The following PAIP1 variants were observed in gnomAD, a reference collection of about 807,000 sequenced individuals.
The protein encoded by PAIP1 is polyadenylate-binding protein-interacting protein 1.
PAIP1 carries 16 observed loss-of-function variants against 61.3 expected under a neutral mutation model. That is an observed-to-expected ratio of 0.26 (90% CI 0.18 to 0.40). The LOEUF (loss-of-function observed/expected upper bound fraction) is 0.40, where lower values mean the gene tolerates loss of function less well. Ranked by LOEUF, PAIP1 falls within the 10% of genes least tolerant of loss-of-function variation. The pLI, the probability that PAIP1 is intolerant of heterozygous loss-of-function variation, is 1.00. For missense variants in PAIP1, 416 were observed against 600.9 expected (o/e 0.69, Z 3.22); for synonymous variants, 187 against 226.2 (o/e 0.83, Z 1.56).
intron 3 of PAIP1, among the ~76,000 whole-genome samples, chr5:43,546,112 T>C (rs1747625327): frequency 6.6e-6 from 1 of 152,194 alleles, no homozygotes; most frequent in African/African-American, 2.4e-5. Context: ...GTTTGTTAGT[T>C]GCTATGAGTA....
At position 43,542,984 on chromosome 5, in the gene PAIP1, A is replaced by T; in HGVS notation, c.734+20T>A. Reference sequence around the variant, plus strand: ...GTATATTTAGAAGTAGTTTTCCTTTAATTTCACATTTACACTGACCTTTGA... The same window carrying T: ...GTATATTTAGAAGTAGTTTTCCTTTTATTTCACATTTACACTGACCTTTGA... On this transcript the variant is annotated intron_variant, in intron 4 of 10. Coordinates refer to ENST00000306846, the MANE Select transcript of PAIP1 (RefSeq NM_006451.5). The T allele has an allele frequency of 1.6e-6, 2 of 1,272,200 alleles. No individual in the cohort carries two copies. The highest frequency in any genetic ancestry group is 2.3e-6 in the Non-Finnish European group (2 of 871,778). 78.8% of individuals were successfully genotyped at this position (1,272,200 alleles called of 1,614,324 possible). A position where few individuals can be genotyped will look rare whatever the true frequency, so the allele number is the denominator to read the frequency against.
At chr5:43,548,746 T>C (rs1277035109) in intron 2 of PAIP1, among the ~76,000 whole-genome samples, 1 of 152,176 alleles carries the variant, frequency 6.6e-6, no homozygotes, top group African/African-American at 2.4e-5. Flanking sequence ...AGTTAAAATC[T>C]AATAATAACT....
chr5:43,549,705 T>A (rs1156425728), intron 2 of PAIP1, among the ~76,000 whole-genome samples: 1 of 152,036 alleles, frequency 6.6e-6, no homozygotes, highest in Non-Finnish European at 1.5e-5. Flanking sequence ...TTTTACACTT[T>A]TTATTTTATC....
chr5:43,539,494 A>G (rs1747310354), intron 4 of PAIP1, among the ~76,000 whole-genome samples: 1 of 150,878 alleles, frequency 6.6e-6, no homozygotes, highest in Non-Finnish European at 1.5e-5. Context: ...CACAACCTCC[A>G]ACTGAAAATA....
At chr5:43,535,383 G>C in intron 7 of PAIP1, 151 bp downstream of exon 7, 1 of 612,094 alleles carries the variant, frequency 1.6e-6, no homozygotes, top group Non-Finnish European at 2.9e-6. Context: ...AGAAACTATA[G>C]GTAAAATATT....
intron 4 of PAIP1, 139 bp downstream of exon 4, chr5:43,542,865 T>C: frequency 2.1e-6 from 1 of 480,646 alleles, no homozygotes; most frequent in East Asian, 3.4e-5. Flanking sequence ...TATACTGAAC[T>C]ATAAACTTCA....
rs372518512 is a variant in PAIP1 at position 43,555,724 on chromosome 5, T to G, written c.435+106A>C. On this transcript the variant is annotated intron_variant, in intron 2 of 10. Coordinates refer to ENST00000306846, the MANE Select transcript of PAIP1 (RefSeq NM_006451.5). Reference sequence around the variant, plus strand: ...TCAAAACATTCACAATAAAAAAATTTTTTTACGTGTAGTACAGAAAGCACA... The same window carrying G: ...TCAAAACATTCACAATAAAAAAATTGTTTTACGTGTAGTACAGAAAGCACA... The G allele has an allele frequency of 1.3e-4, 116 of 872,958 alleles. No individual in the cohort carries two copies. In the East Asian group the frequency reaches 2.9e-3, roughly 22 times the overall value. 54.1% of individuals were successfully genotyped at this position (872,958 alleles called of 1,614,324 possible). A position where few individuals can be genotyped will look rare whatever the true frequency, so the allele number is the denominator to read the frequency against.
At chr5:43,539,346 A>C (rs1747298276) in intron 4 of PAIP1, among the ~76,000 whole-genome samples, 1 of 152,054 alleles carries the variant, frequency 6.6e-6, no homozygotes, top group Admixed American at 6.5e-5. Context: ...GGGGAGAGAG[A>C]GCCTCACCTT....
intron 6 of PAIP1, 68 bp downstream of exon 6, chr5:43,536,751 T>C: frequency 1.2e-6 from 1 of 829,872 alleles, no homozygotes; most frequent in South Asian, 1.7e-5. Flanking sequence ...CTGTATACTA[T>C]ATAGACTAAC....
intron 2 of PAIP1, among the ~76,000 whole-genome samples, chr5:43,548,395 G>GA (rs57478431): frequency 0.48 from 71,283 of 148,332 alleles, 18,352 homozygotes; most frequent in East Asian, 0.9. Flanking sequence ...TTTTATTGGG[G>GA]AAAAAAAAAA....
intron 3 of PAIP1, among the ~76,000 whole-genome samples, chr5:43,546,405 C>T (rs1747636872): frequency 6.6e-6 from 1 of 152,202 alleles, no homozygotes; most frequent in African/African-American, 2.4e-5. Context: ...ATCCATTTAT[C>T]AGCAGAAAGC....
intron 3 of PAIP1, among the ~76,000 whole-genome samples, chr5:43,544,151 A>T (rs1015494790): frequency 0.01 from 1,475 of 145,714 alleles, 10 homozygotes; most frequent in African/African-American, 0.016. Flanking sequence ...CTTTTTAAAA[A>T]AAAAAAAAAA....
rs930144885 is a variant in PAIP1, at chr5:43,529,841, C to T, written c.1291G>A (p.Asp431Asn). The T allele has an allele frequency of 1.9e-6, 3 of 1,565,272 alleles. No homozygotes were observed. The African/African-American group carries it at 4.1e-5, about 21-fold the overall frequency. ...EKYQELLERE[D>N]FFPDYEENGT... The stretch of plus-strand genomic sequence containing the variant: ...TTTTCTTCATAATCTGGAAAAAAGT[C>T]CTCTCTTTCAAGTAATTCTTGGTAT... The change falls in exon 10 of 11, where the codon GAC becomes AAC. Residue 431 changes from aspartate to asparagine, a missense_variant. Transcript: ENST00000306846.
chr5:43,542,243 T>C (rs1747444166), intron 4 of PAIP1, among the ~76,000 whole-genome samples: 1 of 147,364 alleles, frequency 6.8e-6, no homozygotes, highest in African/African-American at 2.5e-5. Flanking sequence ...TTAAAAATGA[T>C]AGCTTTTGGC....
chr5:43,556,972 G>A lies in PAIP1; in HGVS notation c.-126C>T. 1 of 1,245,732 alleles carries A rather than the reference G, an allele frequency of 8.0e-7. No individual in the cohort carries two copies. The highest frequency in any genetic ancestry group is 1.0e-6 in the Non-Finnish European group (1 of 993,070). The allele number at this position is 1,245,732 out of a possible 1,614,324, so 77.2% of individuals were successfully genotyped here. On this transcript the variant is annotated 5_prime_UTR_variant, in exon 1 of 11. Coordinates refer to ENST00000306846, the MANE Select transcript of PAIP1 (RefSeq NM_006451.5). ...CACTCGGGCCTCATGGAGGAGGAGG[G>A]CGGCGGGCCCCGGCTCGGCTGCTCG...
Position 43,543,034 on chromosome 5 carries a change from C to T in PAIP1, c.704G>A (p.Ser235Asn), listed in dbSNP as rs780551266. The change falls in exon 4 of 11, where the codon AGT becomes AAT. Residue 235 changes from serine to asparagine, a missense_variant. Physicochemically the swap from Ser to Asn is conservative, Grantham distance 46 (BLOSUM62 1). Coordinates refer to ENST00000306846, the MANE Select transcript of PAIP1 (RefSeq NM_006451.5). Reference sequence around the variant, plus strand: ...AAGTAGCAATTGGCGGAAGTTGCCACTCTGTGGGCTAATTGTCAGATGATG... The same window carrying T: ...AAGTAGCAATTGGCGGAAGTTGCCATTCTGTGGGCTAATTGTCAGATGATG... The part of the protein sequence containing the change: ...LSHHLTISPQ[S>N]GNFRQLLLQR... 3.4e-5 allele frequency: 54 copies of T among 1,602,320 alleles called. No individual in the cohort carries two copies. Among genetic ancestry groups the T allele is most frequent in the Non-Finnish European group, 4.4e-5 (51 of 1,169,632 alleles).
chr5:43,535,346 C>A (rs983447168), intron 7 of PAIP1, among the ~76,000 whole-genome samples, 188 bp downstream of exon 7: 1 of 152,154 alleles, frequency 6.6e-6, no homozygotes, highest in African/African-American at 2.4e-5. Context: ...ATATCTGACA[C>A]GTCTATCACA....
chr5:43,540,389 CTT>C (rs5867637), intron 4 of PAIP1, among the ~76,000 whole-genome samples: 3 of 151,734 alleles, frequency 2.0e-5, no homozygotes, highest in African/African-American at 7.3e-5. Context: ...GATGAAATAA[CTT>C]TTTTTTTCAT....
chr5:43,556,385 C>T, intron 1 of PAIP1, 197 bp downstream of exon 1: 2 of 1,232,004 alleles, frequency 1.6e-6, no homozygotes, highest in South Asian at 4.1e-5. Flanking sequence ...CCCAGCCAGG[C>T]GCACAAAGGA....
Sources: allele counts gnomAD v4.1 joint callset (sites outside exome capture counted in the v4.1 genomes callset), GRCh38; gene constraint gnomAD v4.1.1; transcripts MANE v1.5; gene names NCBI Gene and HGNC (gene_info 2026-07-23, HGNC 2026-07-21).